Variants in TMOD2 observed in about 807,000 individuals in gnomAD.
TMOD2 encodes tropomodulin-2.
Under a neutral mutation model 39.9 loss-of-function variants are expected in TMOD2, and 22 were observed. The observed-to-expected ratio is 0.55, with a 90% CI of 0.39 to 0.79. The LOEUF is 0.79. Ranked by LOEUF, TMOD2 falls within the 30% of genes least tolerant of loss-of-function variation. TMOD2 has a pLI of 0.00. For synonymous variants in TMOD2, 123 were observed against 146.1 expected, an observed-to-expected ratio of 0.84 and a Z score of 1.14; for missense variants, 386 against 413.3, an observed-to-expected ratio of 0.93 and a Z score of 0.57.
intron 7 of TMOD2, chr15:51,783,793 A>AG (rs61347535): frequency 6.6e-5 from 10 of 151,878 alleles, no homozygotes; most frequent in Admixed American, 5.9e-4. Context: ...ATAGATAGAT[A>AG]AAAGAAAAAT....
Position 51,811,444 on chromosome 15 carries a change from T to C in TMOD2, c.*2990T>C, listed in dbSNP as rs2056155896. The C allele has an allele frequency of 6.6e-6, 1 of 151,746 alleles. No homozygotes were observed. The allele number at this position is 151,746 out of a possible 1,614,324, so 9.4% of individuals were successfully genotyped here. A position where few individuals can be genotyped will look rare whatever the true frequency, so the allele number is the denominator to read the frequency against. ...AGGTCCACTTTAAGTGTAAAATCAC[T>C]CACCTGGACTTGTGGGCTTGTATCA... On this transcript the variant is annotated 3_prime_UTR_variant, in exon 10 of 10. Transcript: ENST00000249700.
chr15:51,760,135 G>A (rs1181910194), intron 1 of TMOD2, among the ~76,000 whole-genome samples: 1 of 152,214 alleles, frequency 6.6e-6, no homozygotes, highest in Admixed American at 6.5e-5. Flanking sequence ...CTGGAAAATG[G>A]AAGTATTTGG....
rs2055939352 is a variant in TMOD2, at chr15:51,782,711, T to C, written c.625-10T>C. ...TGGTTCATCAACTAGCCATGTCCTC[T>C]CTGTCTTAGAACATTCCAATTCCAA... is the stretch of plus-strand genomic sequence containing the variant. On this transcript the variant is annotated splice_polypyrimidine_tract_variant and intron_variant, in intron 6 of 9. Coordinates refer to ENST00000249700, the MANE Select transcript of TMOD2 (RefSeq NM_014548.4). 6.2e-7 allele frequency: 1 copy of C among 1,609,200 alleles called. No homozygotes were observed. The highest frequency in any genetic ancestry group is 1.1e-5 in the South Asian group (1 of 90,688).
At chr15:51,752,502 C>G (rs1292535178) in intron 1 of TMOD2, 1 of 152,194 alleles carries the variant, frequency 6.6e-6, no homozygotes, top group Non-Finnish European at 1.5e-5. Flanking sequence ...ATCTGAATCA[C>G]GAGGCATTTA....
Position 51,812,855 on chromosome 15 carries a change from T to G in TMOD2, c.*4401T>G, listed in dbSNP as rs932193351. ...AAGAGGAAAGGTCCTAGCTCTGCCT[T>G]CCACTTGCAGCTTCCCTTTACCTCC... On this transcript the variant is annotated 3_prime_UTR_variant, in exon 10 of 10. Coordinates refer to ENST00000249700, the MANE Select transcript of TMOD2 (RefSeq NM_014548.4). 6.6e-6 allele frequency: 1 copy of G among 152,174 alleles called. No homozygotes were observed. 9.4% of individuals were successfully genotyped at this position (152,174 alleles called of 1,614,324 possible).
At chr15:51,774,965 A>G (rs1262078614) in intron 4 of TMOD2, among the ~76,000 whole-genome samples, 1 of 151,958 alleles carries the variant, frequency 6.6e-6, no homozygotes, top group Non-Finnish European at 1.5e-5. Context: ...ATCCAAATAG[A>G]AAACTGTCCT....
At chr15:51,803,306 G>A (rs1355525999) in intron 8 of TMOD2, among the ~76,000 whole-genome samples, 2 of 151,066 alleles carry the variant, frequency 1.3e-5, no homozygotes, top group Non-Finnish European at 2.9e-5. Context: ...TCAGCCTCCT[G>A]AGCAGCTGGG....
At chr15:51,794,297 C>T (rs936465540) in intron 7 of TMOD2, among the ~76,000 whole-genome samples, 2 of 152,230 alleles carry the variant, frequency 1.3e-5, no homozygotes, top group Non-Finnish European at 2.9e-5. Flanking sequence ...TGGGACTTCT[C>T]GTCTTCCTTC....
At chr15:51,773,298 T>TGG (rs2055865444) in intron 3 of TMOD2, among the ~76,000 whole-genome samples, 1 of 152,200 alleles carries the variant, frequency 6.6e-6, no homozygotes, top group African/African-American at 2.4e-5. Flanking sequence ...ATATGCTGGA[T>TGG]GGGCATATCC....
intron 1 of TMOD2, among the ~76,000 whole-genome samples, chr15:51,752,098 G>A (rs2055708879): frequency 6.6e-6 from 1 of 152,150 alleles, no homozygotes; most frequent in East Asian, 1.9e-4. Flanking sequence ...TCCTGTGCAT[G>A]TTTGGTGAGC....
Position 51,773,815 on chromosome 15 carries a change from C to G in TMOD2, c.387C>G (p.Thr129=), listed in dbSNP as rs751866676. 6.2e-7 allele frequency: 1 copy of G among 1,611,194 alleles called. No homozygotes were observed. The highest frequency in any genetic ancestry group is 8.5e-7 in the Non-Finnish European group (1 of 1,179,082). The part of the protein sequence containing the change: ...LEEALASASD[T]ELYDLAAVLG... Reference sequence around the variant, plus strand: ...AAGCTTTGGCCAGTGCCTCTGACACCGAACTCTATGATCTTGCAGGTTAGT... The same window carrying G: ...AAGCTTTGGCCAGTGCCTCTGACACGGAACTCTATGATCTTGCAGGTTAGT... Residue 129 remains threonine (T), a synonymous_variant, in exon 4 of 10, where the codon ACC becomes ACG. Transcript: ENST00000249700.
intron 7 of TMOD2, among the ~76,000 whole-genome samples, chr15:51,785,534 A>G (rs2055963569): frequency 6.6e-6 from 1 of 152,034 alleles, no homozygotes; most frequent in South Asian, 2.1e-4. Context: ...CATGGATGGG[A>G]CTGGAGGTCA....
chr15:51,805,234 A>G (rs2141644889), intron 8 of TMOD2, among the ~76,000 whole-genome samples: 1 of 152,308 alleles, frequency 6.6e-6, no homozygotes, highest in East Asian at 1.9e-4. Flanking sequence ...TGCTGGGATT[A>G]CAGGCAGGAG....
chr15:51,764,575 G>T (rs1442747141), intron 1 of TMOD2, among the ~76,000 whole-genome samples: 22 of 152,126 alleles, frequency 1.4e-4, no homozygotes, highest in Non-Finnish European at 1.5e-5. Context: ...AAGAAGCTGT[G>T]GTGGCTTGCC....
At chr15:51,777,503 G>A (rs1427252994) in intron 5 of TMOD2, among the ~76,000 whole-genome samples, 1 of 152,098 alleles carries the variant, frequency 6.6e-6, no homozygotes, top group East Asian at 1.9e-4. Context: ...TGAAAGACAC[G>A]CTGGCATGGA....
intron 7 of TMOD2, among the ~76,000 whole-genome samples, chr15:51,787,089 G>T (rs1225442913): frequency 6.6e-6 from 1 of 152,216 alleles, no homozygotes; most frequent in Non-Finnish European, 1.5e-5. Context: ...GAAGCCATGA[G>T]TGACTGTATC....
intron 1 of TMOD2, among the ~76,000 whole-genome samples, chr15:51,753,579 T>C (rs1046510762): frequency 2.0e-5 from 3 of 152,082 alleles, no homozygotes; most frequent in Non-Finnish European, 4.4e-5. Flanking sequence ...AATTTGGAGA[T>C]AGTTGGGGAT....
Position 51,812,673 on chromosome 15 carries a change from G to A in TMOD2, c.*4219G>A, listed in dbSNP as rs148118165. ...TATAGCATCAGCAAAAATGGGCAGA[G>A]GGCGGGAAGTTGAGAACACTAGGTT... is the stretch of plus-strand genomic sequence containing the variant. On this transcript the variant is annotated 3_prime_UTR_variant, in exon 10 of 10. Transcript: ENST00000249700. 2.8e-4 allele frequency: 42 copies of A among 152,330 alleles called. No individual in the cohort carries two copies. The highest frequency in any genetic ancestry group is 1.0e-3 in the African/African-American group (42 of 41,576). 9.4% of individuals were successfully genotyped at this position (152,330 alleles called of 1,614,324 possible). A position where few individuals can be genotyped will look rare whatever the true frequency, so the allele number is the denominator to read the frequency against.
intron 7 of TMOD2, among the ~76,000 whole-genome samples, chr15:51,791,737 C>T (rs1240657289): frequency 6.6e-6 from 1 of 152,198 alleles, no homozygotes; most frequent in Non-Finnish European, 1.5e-5. Flanking sequence ...ACAAACCTGA[C>T]ACACACAAGC....
Sources: allele counts gnomAD v4.1 joint callset (sites outside exome capture counted in the v4.1 genomes callset), GRCh38; gene constraint gnomAD v4.1.1; transcripts MANE v1.5; gene names NCBI Gene and HGNC (gene_info 2026-07-23, HGNC 2026-07-21).